ARHGEF3: variants seen among roughly 807,000 people sequenced by gnomAD.
ARHGEF3 encodes 59.8 kDA protein.
ARHGEF3 carries 28 observed loss-of-function variants against 63.2 expected under a neutral mutation model. The observed-to-expected ratio is 0.44, with a 90% CI of 0.33 to 0.61. ARHGEF3 has a LOEUF of 0.61. ARHGEF3 is among the 20% of genes least tolerant of loss of function. ARHGEF3 has a pLI of 0.03. For missense variants in ARHGEF3, 533 were observed against 659.3 expected (o/e 0.81, Z 2.10); for synonymous variants, 266 against 254.2 (o/e 1.05, Z -0.44).
intron 1 of ARHGEF3, among the ~76,000 whole-genome samples, chr3:56,785,477 T>G (rs2036756997): frequency 6.6e-6 from 1 of 152,144 alleles, no homozygotes; most frequent in Non-Finnish European, 1.5e-5. Context: ...CCCAATACTG[T>G]CTGGAATTAG....
chr3:56,830,832 A>C (rs1413895943), intron 4 of ARHGEF3, among the ~76,000 whole-genome samples: 1 of 151,976 alleles, frequency 6.6e-6, no homozygotes, highest in Non-Finnish European at 1.5e-5. Context: ...CCTTTTTGTC[A>C]TGGAGGCATC....
In ARHGEF3 at chr3:56,959,926, C is replaced by T. The variant is rs567388485; in HGVS notation, c.63-1037G>A. 6.6e-5 allele frequency among the ~76,000 whole-genome samples: 10 copies of T among 152,188 alleles called. No individual in the cohort carries two copies. In the South Asian group the frequency reaches 1.2e-3, roughly 19 times the overall value. On this transcript the variant is annotated intron_variant, in intron 2 of 12. Coordinates refer to the ARHGEF3 transcript ENST00000338458. ...CCGGGAGGCAGAGGTTGCGGTGAGC[C>T]GAGATTGCACCACTGCACTCAGCCT...
At position 56,929,523 on chromosome 3, in the gene ARHGEF3, G is replaced by A. The variant is rs1298768279; in HGVS notation, c.129+29300C>T. ...AATGCAGCTACTGCTTCAGGTCTTG[G>A]GTGGAGCCTGAAATTCTGCATATCT... On this transcript the variant is annotated intron_variant, in intron 3 of 12. Coordinates refer to the ARHGEF3 transcript ENST00000338458. 2.0e-5 allele frequency among the ~76,000 whole-genome samples: 3 copies of A among 152,072 alleles called. No homozygotes were observed. The East Asian group carries it at 5.8e-4, about 29-fold the overall frequency.
Position 56,801,935 on chromosome 3 carries a change from G to A in ARHGEF3, c.-137C>T. On this transcript the variant is annotated 5_prime_UTR_variant, in exon 1 of 10. Transcript: ENST00000296315. ...GGAGACCGACAGCCGGCTTCTAGCC[G>A]GGCAGGACTCGACTGGGCTCCGGAG... 3.3e-6 allele frequency: 5 copies of A among 1,537,718 alleles called. No individual in the cohort carries two copies. In the South Asian group the frequency reaches 4.8e-5, roughly 15 times the overall value.
rs1700655209 is a variant in ARHGEF3 at position 56,967,922 on chromosome 3, TATA to T, written c.63-9036_63-9034del. On this transcript the variant is annotated intron_variant, in intron 2 of 12. Coordinates refer to the ARHGEF3 transcript ENST00000338458. ...AAATAATATATTATATATAATATAT[TATA>T]TATAATATAAAATATATTATATATT... 5.7e-5 allele frequency among the ~76,000 whole-genome samples: 4 copies of T among 69,574 alleles called. 2 individuals carry two copies. The highest frequency in any genetic ancestry group is 2.3e-4 in the African/African-American group (4 of 17,290). 45.6% of individuals were successfully genotyped at this position (69,574 alleles called of 152,430 possible). A position where few individuals can be genotyped will look rare whatever the true frequency, so the allele number is the denominator to read the frequency against.
chr3:56,758,139 G>A (rs2035198125), intron 2 of ARHGEF3, among the ~76,000 whole-genome samples: 1 of 151,908 alleles, frequency 6.6e-6, no homozygotes, highest in Non-Finnish European at 1.5e-5. Context: ...AAATTAGCTG[G>A]ACGTGATGGT....
At chr3:56,857,418 T>C (rs6445829) in intron 4 of ARHGEF3, among the ~76,000 whole-genome samples, 75,949 of 152,038 alleles carry the variant, frequency 0.5, 19,342 homozygotes, top group East Asian at 0.62. Context: ...AAGAACTTAT[T>C]TGCTGGAAAA....
chr3:57,034,929 G>A (rs1348328337), intron 2 of ARHGEF3, among the ~76,000 whole-genome samples: 1 of 152,094 alleles, frequency 6.6e-6, no homozygotes. Context: ...GCAAAGTGCT[G>A]GGGTTACAGG....
At chr3:56,998,872 A>C (rs954655416) in intron 2 of ARHGEF3, among the ~76,000 whole-genome samples, 1 of 152,176 alleles carries the variant, frequency 6.6e-6, no homozygotes, top group Non-Finnish European at 1.5e-5. Flanking sequence ...TCCACCTTTA[A>C]GCACGTTTTG....
At chr3:56,748,628 G>A (rs2034547822) in intron 6 of ARHGEF3, among the ~76,000 whole-genome samples, 1 of 149,246 alleles carries the variant, frequency 6.7e-6, no homozygotes, top group Non-Finnish European at 1.5e-5. Context: ...AAATTAACAT[G>A]AGAACTTTCT....
chr3:56,735,775 C>A (rs1239471984), intron 8 of ARHGEF3, among the ~76,000 whole-genome samples: 2 of 152,178 alleles, frequency 1.3e-5, no homozygotes, highest in African/African-American at 4.8e-5. Context: ...AAGCAACAGA[C>A]TTGACAGGTC....
Position 57,072,726 on chromosome 3 carries a change from C to CAA in ARHGEF3, c.-28+6498_-28+6499dup, listed in dbSNP as rs11332171. Among the ~76,000 whole-genome samples the CAA allele has an allele frequency of 2.2e-3, 251 of 112,144 alleles. 2 individuals carry two copies. Among genetic ancestry groups the CAA allele is most frequent in the East Asian group, 4.3e-3 (16 of 3,702 alleles). The allele number at this position is 112,144 out of a possible 152,430, so 73.6% of individuals were successfully genotyped here. A position where few individuals can be genotyped will look rare whatever the true frequency, so the allele number is the denominator to read the frequency against. Reference sequence around the variant, plus strand: ...CCTGGGCAACAGAACGAGACTCTGTCAAAAAAAAAAAAAAAAAGAATAAAA... The same window carrying CAA: ...CCTGGGCAACAGAACGAGACTCTGTCAAAAAAAAAAAAAAAAAAAGAATAAAA... On this transcript the variant is annotated intron_variant, in intron 1 of 12. Transcript: ENST00000338458.
At chr3:56,802,069 A>C (rs916991515), upstream of ARHGEF3, 18 of 1,255,096 alleles carry the variant, frequency 1.4e-5, no homozygotes, top group Admixed American at 7.2e-5. Flanking sequence ...CGCAGCGCGG[A>C]CACCTCCTGG....
chr3:57,034,415 G>A (rs1045586817), intron 2 of ARHGEF3, among the ~76,000 whole-genome samples: 1 of 152,046 alleles, frequency 6.6e-6, no homozygotes, highest in Non-Finnish European at 1.5e-5. Context: ...ACTCACAAAT[G>A]CTGGCACAAC....
chr3:56,852,264 C>T (rs1219572274), intron 4 of ARHGEF3, among the ~76,000 whole-genome samples: 1 of 152,142 alleles, frequency 6.6e-6, no homozygotes, highest in South Asian at 2.1e-4. Flanking sequence ...GTCTCCAGGG[C>T]CCCATGGTGC....
chr3:56,928,771 G>A (rs1471940494), intron 3 of ARHGEF3, among the ~76,000 whole-genome samples: 1 of 152,188 alleles, frequency 6.6e-6, no homozygotes, highest in Non-Finnish European at 1.5e-5. Context: ...AGGGTTGAGT[G>A]GGATTTAAGC....
At chr3:56,961,220 T>A (rs895639660) in intron 2 of ARHGEF3, among the ~76,000 whole-genome samples, 1 of 152,240 alleles carries the variant, frequency 6.6e-6, no homozygotes, top group African/African-American at 2.4e-5. Context: ...TATATTATAA[T>A]GGCATTACAT....
intron 2 of ARHGEF3, among the ~76,000 whole-genome samples, chr3:56,773,442 C>T (rs931957293): frequency 1.3e-5 from 2 of 152,056 alleles, no homozygotes; most frequent in African/African-American, 2.4e-5. Flanking sequence ...AAAAAAATCG[C>T]GTGAGAGTAT....
chr3:56,892,309 C>A, intron 3 of ARHGEF3, among the ~76,000 whole-genome samples: 1 of 152,062 alleles, frequency 6.6e-6, no homozygotes, highest in East Asian at 1.9e-4. Context: ...TCCATATTCA[C>A]AAGGATTTTC....
Sources: allele counts gnomAD v4.1 joint callset (sites outside exome capture counted in the v4.1 genomes callset), GRCh38; gene constraint gnomAD v4.1.1; transcripts MANE v1.5; gene names NCBI Gene and HGNC (gene_info 2026-07-23, HGNC 2026-07-21).